Variants in QTMAN observed in about 807,000 individuals in gnomAD.
QTMAN encodes queuosine-tRNA mannosyltransferase, also known as tRNA-queuosine alpha-mannosyltransferase.
At chr2:144,230,509 T>C in the QTMAN span, among the ~76,000 whole-genome samples, 1 of 152,252 alleles carries the variant, frequency 6.6e-6, no homozygotes, top group South Asian at 2.1e-4. Context: ...AAACAATATT[T>C]CAGCAGGGCT....
At chr2:144,201,655 A>G in the QTMAN span, among the ~76,000 whole-genome samples, 1 of 152,196 alleles carries the variant, frequency 6.6e-6, no homozygotes, top group African/African-American at 2.4e-5. Context: ...GCTTTGTATC[A>G]CCAGTGCTAG....
chr2:144,218,344 C>A, the QTMAN span, among the ~76,000 whole-genome samples: 1 of 152,170 alleles, frequency 6.6e-6, no homozygotes, highest in Admixed American at 6.5e-5. Flanking sequence ...GGCAAAGCAT[C>A]TTCCCCAACC....
the QTMAN span, among the ~76,000 whole-genome samples, chr2:144,273,295 T>G: frequency 6.6e-6 from 1 of 152,120 alleles, no homozygotes; most frequent in Admixed American, 6.5e-5. Context: ...TCTAGAAAAC[T>G]TCTCCAGGGG....
the QTMAN span, among the ~76,000 whole-genome samples, chr2:143,951,515 A>G: frequency 2.0e-5 from 3 of 151,628 alleles, no homozygotes; most frequent in Non-Finnish European, 3.0e-5. Context: ...GAAATATTCA[A>G]TTCTTAAAAA....
chr2:144,288,302 T>C, the QTMAN span, among the ~76,000 whole-genome samples: 3 of 152,300 alleles, frequency 2.0e-5, no homozygotes, highest in Non-Finnish European at 4.4e-5. Flanking sequence ...ACAAAAAAAC[T>C]GTACCACAAA....
the QTMAN span, among the ~76,000 whole-genome samples, chr2:144,082,901 C>T: frequency 6.6e-6 from 1 of 152,166 alleles, no homozygotes; most frequent in Non-Finnish European, 1.5e-5. Flanking sequence ...CACACACACA[C>T]ACACACACAT....
the QTMAN span, among the ~76,000 whole-genome samples, chr2:144,247,852 T>G: frequency 1.2e-4 from 18 of 152,054 alleles, no homozygotes; most frequent in Non-Finnish European, 2.6e-4. Context: ...TAATTTTTTG[T>G]TTTTTGTTTT....
At chr2:144,250,767 A>G in the QTMAN span, among the ~76,000 whole-genome samples, 1 of 151,774 alleles carries the variant, frequency 6.6e-6, no homozygotes, top group Non-Finnish European at 1.5e-5. Flanking sequence ...AAAAAAAAAA[A>G]AAAAACCTGT....
At chr2:144,071,161 A>T in the QTMAN span, among the ~76,000 whole-genome samples, 3 of 152,238 alleles carry the variant, frequency 2.0e-5, no homozygotes, top group South Asian at 2.1e-4. Flanking sequence ...AAAATGCTTT[A>T]AAAAACCTTA....
At chr2:144,028,708 T>C in the QTMAN span, among the ~76,000 whole-genome samples, 1 of 152,222 alleles carries the variant, frequency 6.6e-6, no homozygotes, top group Non-Finnish European at 1.5e-5. Flanking sequence ...TGGAAAACAA[T>C]GTGGATATAC....
At chr2:144,160,975 A>C in the QTMAN span, among the ~76,000 whole-genome samples, 3 of 152,156 alleles carry the variant, frequency 2.0e-5, no homozygotes, top group Admixed American at 6.5e-5. Flanking sequence ...GAAATCTCTG[A>C]GACAACTCCA....
the QTMAN span, chr2:143,938,239 C>A: frequency 6.6e-6 from 1 of 152,196 alleles, no homozygotes; most frequent in Non-Finnish European, 1.5e-5. Flanking sequence ...GAGATGTCTG[C>A]TTTGATTTCT....
the QTMAN span, among the ~76,000 whole-genome samples, chr2:143,968,265 C>A: frequency 1.3e-5 from 2 of 152,186 alleles, no homozygotes; most frequent in Admixed American, 6.5e-5. Flanking sequence ...AGACAATATG[C>A]TATCCCTTCC....
At chr2:144,211,316 A>G in the QTMAN span, 1 of 152,748 alleles carries the variant, frequency 6.5e-6, no homozygotes, top group African/African-American at 2.4e-5. Flanking sequence ...AAGAAGAGTG[A>G]AATGTACAGG....
At chr2:144,201,433 G>A in the QTMAN span, among the ~76,000 whole-genome samples, 6 of 152,174 alleles carry the variant, frequency 3.9e-5, no homozygotes, top group African/African-American at 9.7e-5. Context: ...GGCAGACAGC[G>A]CCCAGATTGC....
chr2:144,193,076 T>C, the QTMAN span, among the ~76,000 whole-genome samples: 929 of 152,256 alleles, frequency 6.1e-3, 14 homozygotes, highest in African/African-American at 0.021. Flanking sequence ...GTATGAAATA[T>C]TGCTTTTCCT....
chr2:144,257,087 GAA>G, the QTMAN span, among the ~76,000 whole-genome samples: 1 of 128,696 alleles, frequency 7.8e-6, no homozygotes. Context: ...GAAACAAACT[GAA>G]AAAAAAAAAA....
the QTMAN span, chr2:143,951,902 A>T: frequency 1.4e-6 from 1 of 730,802 alleles, no homozygotes; most frequent in Non-Finnish European, 2.4e-6. Context: ...TTAGTATGTT[A>T]ATTAAATGTT....
chr2:143,959,156 A>C, the QTMAN span, among the ~76,000 whole-genome samples: 1 of 152,076 alleles, frequency 6.6e-6, no homozygotes, highest in Non-Finnish European at 1.5e-5. Context: ...TGTAACTTTT[A>C]AGATATGATA....
Sources: allele counts gnomAD v4.1 joint callset (sites outside exome capture counted in the v4.1 genomes callset), GRCh38; gene constraint gnomAD v4.1.1; transcripts MANE v1.5; gene names NCBI Gene and HGNC (gene_info 2026-07-23, HGNC 2026-07-21).